The following ARSB variants were observed in gnomAD, a reference collection of about 807,000 sequenced individuals.
ARSB encodes the protein arylsulfatase B, also known as N-acetylgalactosamine-4-sulfatase.
ARSB carries 41 observed loss-of-function variants against 50.9 expected under a neutral mutation model. The ratio of observed to expected loss-of-function variants is 0.81; its 90% CI spans 0.63 to 1.04. The LOEUF is 1.04. ARSB is among the 50% of genes least tolerant of loss of function. The probability of loss-of-function intolerance (pLI) is 0.00; values close to 1 mark genes in which losing one functional copy is unlikely to be tolerated. For synonymous variants in ARSB, 269 were observed against 284.8 expected, an observed-to-expected ratio of 0.94 and a Z score of 0.56; for missense variants, 672 against 693.3, an observed-to-expected ratio of 0.97 and a Z score of 0.35.
At chr5:78,812,592 AAC>A (rs66597603) in intron 6 of ARSB, among the ~76,000 whole-genome samples, 6,628 of 144,310 alleles carry the variant, frequency 0.046, 239 homozygotes, top group African/African-American at 0.11. Context: ...ATTCTGTTCA[AAC>A]ACACACACAC....
chr5:78,985,669 T>G (rs1753157843), upstream of ARSB: 1 of 153,646 alleles, frequency 6.5e-6, no homozygotes, highest in African/African-American at 2.4e-5. Context: ...ACATTATAAT[T>G]AGTGCCAATT....
At chr5:78,803,796 A>G (rs141854414) in intron 6 of ARSB, among the ~76,000 whole-genome samples, 7 of 152,348 alleles carry the variant, frequency 4.6e-5, no homozygotes, top group Non-Finnish European at 8.8e-5. Flanking sequence ...TCTTCAACAA[A>G]TATTTACTGA....
At chr5:78,956,927 T>A (rs192225171) in intron 3 of ARSB, among the ~76,000 whole-genome samples, 1 of 150,680 alleles carries the variant, frequency 6.6e-6, no homozygotes, top group Admixed American at 7.0e-5. Flanking sequence ...TTAGTATTTT[T>A]AAACTATATT....
chr5:78,830,709 T>C (rs1744632441), intron 6 of ARSB, among the ~76,000 whole-genome samples: 1 of 152,096 alleles, frequency 6.6e-6, no homozygotes, highest in Non-Finnish European at 1.5e-5. Context: ...ACTTTAGTGC[T>C]CCCCAAAGCG....
chr5:78,849,235 T>C (rs565441566), intron 5 of ARSB, among the ~76,000 whole-genome samples: 2,589 of 152,198 alleles, frequency 0.017, 64 homozygotes, highest in African/African-American at 0.059. Context: ...CTTGAATTAA[T>C]TTTTGTATAA....
intron 4 of ARSB, among the ~76,000 whole-genome samples, chr5:78,923,338 A>G (rs1749912168): frequency 6.6e-6 from 1 of 152,242 alleles, no homozygotes; most frequent in African/African-American, 2.4e-5. Flanking sequence ...GGTTATGCAC[A>G]TGTGAGCCCC....
intron 5 of ARSB, among the ~76,000 whole-genome samples, chr5:78,870,595 C>T (rs1169456505): frequency 6.6e-6 from 1 of 150,942 alleles, no homozygotes; most frequent in African/African-American, 2.4e-5. Flanking sequence ...GCAGAAAAAG[C>T]CTTTGACAAA....
intron 5 of ARSB, among the ~76,000 whole-genome samples, chr5:78,839,904 G>A (rs916752354): frequency 5.9e-5 from 9 of 151,998 alleles, no homozygotes; most frequent in Non-Finnish European, 1.0e-4. Context: ...TTTGCAACAC[G>A]GATCTTAGAT....
At chr5:78,796,840 G>C (rs552191165) in intron 6 of ARSB, among the ~76,000 whole-genome samples, 8 of 150,634 alleles carry the variant, frequency 5.3e-5, no homozygotes, top group Non-Finnish European at 1.2e-4. Context: ...TTTTAGTAGA[G>C]ACGGGGTTTC....
intron 2 of ARSB, among the ~76,000 whole-genome samples, chr5:78,967,851 G>A (rs1281209521): frequency 6.6e-6 from 1 of 151,886 alleles, no homozygotes; most frequent in East Asian, 1.9e-4. Flanking sequence ...TGGCTACGGA[G>A]GGTTGTAAAT....
chr5:78,885,313 G>A, intron 5 of ARSB: 1 of 484,702 alleles, frequency 2.1e-6, no homozygotes, highest in Non-Finnish European at 3.5e-6. Flanking sequence ...CTACTTCTAA[G>A]CAAAACGTCG....
intron 4 of ARSB, among the ~76,000 whole-genome samples, chr5:78,940,004 A>G (rs1400511441): frequency 7.2e-5 from 11 of 151,868 alleles, no homozygotes; most frequent in Admixed American, 6.6e-4. Context: ...TCTCATTGTG[A>G]TTTTGTTTTG....
intron 5 of ARSB, among the ~76,000 whole-genome samples, chr5:78,873,746 C>T (rs143109939): frequency 6.6e-6 from 1 of 151,978 alleles, no homozygotes; most frequent in African/African-American, 2.4e-5. Flanking sequence ...CCGCCCGCCT[C>T]GGCCTCCCAA....
At chr5:78,889,404 G>A (rs1205267364) in intron 4 of ARSB, among the ~76,000 whole-genome samples, 4 of 152,082 alleles carry the variant, frequency 2.6e-5, no homozygotes, top group African/African-American at 9.7e-5. Context: ...ATATTCAAGA[G>A]AAATTTTTGT....
chr5:78,808,104 A>C lies in ARSB; in HGVS notation c.1214-26130T>G, dbSNP rs1333784690. On this transcript the variant is annotated intron_variant, in intron 6 of 7. Coordinates refer to ENST00000264914, the MANE Select transcript of ARSB (RefSeq NM_000046.5). ...CGAGACTCCGTCTCAAAAAAAAAAAAAAAAAAAAAAAAAACACCTTGCCAT... is the reference window on the plus strand; with the variant it reads ...CGAGACTCCGTCTCAAAAAAAAAAACAAAAAAAAAAAAAACACCTTGCCAT... Among the ~76,000 whole-genome samples the C allele has an allele frequency of 8.6e-5, 13 of 150,556 alleles. No individual in the cohort carries two copies. The South Asian group carries it at 2.1e-3, about 24-fold the overall frequency.
intron 6 of ARSB, among the ~76,000 whole-genome samples, chr5:78,788,625 C>T (rs1398354496): frequency 2.0e-5 from 3 of 152,058 alleles, no homozygotes; most frequent in Non-Finnish European, 4.4e-5. Flanking sequence ...TAAGGTCTTA[C>T]ACTGTTGCTC....
At chr5:78,958,052 C>T (rs1490014340) in intron 3 of ARSB, among the ~76,000 whole-genome samples, 1 of 151,934 alleles carries the variant, frequency 6.6e-6, no homozygotes, top group African/African-American at 2.4e-5. Context: ...ACTCTTTGTC[C>T]ACACTCCATC....
chr5:78,936,370 T>C (rs112700610), intron 4 of ARSB, among the ~76,000 whole-genome samples: 78 of 151,516 alleles, frequency 5.1e-4, no homozygotes, highest in African/African-American at 1.8e-3. Flanking sequence ...GTGATCTGCC[T>C]GCCTCTGCCT....
intron 4 of ARSB, among the ~76,000 whole-genome samples, chr5:78,893,732 G>A (rs1748439228): frequency 6.6e-6 from 1 of 152,172 alleles, no homozygotes; most frequent in African/African-American, 2.4e-5. Flanking sequence ...ACAAAATGTT[G>A]AGGTGCTCTC....
Sources: allele counts gnomAD v4.1 joint callset (sites outside exome capture counted in the v4.1 genomes callset), GRCh38; gene constraint gnomAD v4.1.1; transcripts MANE v1.5; gene names NCBI Gene and HGNC (gene_info 2026-07-23, HGNC 2026-07-21).